The following NRG1 variants were observed in gnomAD, a reference collection of about 807,000 sequenced individuals.
NRG1 encodes pro-neuregulin-1, membrane-bound isoform.
A neutral mutation model predicts 63.8 loss-of-function variants in NRG1; 18 were observed. The observed-to-expected ratio is 0.28, with a 90% confidence interval of 0.19 to 0.42. NRG1 has a LOEUF of 0.42. Ranked by LOEUF, NRG1 falls within the 10% of genes least tolerant of loss-of-function variation. The pLI, the probability that NRG1 is intolerant of heterozygous loss-of-function variation, is 1.00. For synonymous variants in NRG1, 302 were observed against 301.3 expected (o/e 1.00, Z -0.02); for missense variants, 762 against 814.7 (o/e 0.94, Z 0.79).
chr8:31,784,475 C>T (rs1250797669), intron 1 of NRG1, among the ~76,000 whole-genome samples: 2 of 152,180 alleles, frequency 1.3e-5, no homozygotes, highest in African/African-American at 4.8e-5. Context: ...CCCTAATGCT[C>T]AATCTGTGCT....
intron 1 of NRG1, among the ~76,000 whole-genome samples, chr8:31,773,237 A>C (rs964544280): frequency 2.0e-5 from 3 of 152,320 alleles, no homozygotes; most frequent in Non-Finnish European, 4.4e-5. Flanking sequence ...CTCAGTGCTC[A>C]CTGTCATCCT....
At chr8:32,439,052 A>G (rs1397996979) in intron 1 of NRG1, among the ~76,000 whole-genome samples, 2 of 152,136 alleles carry the variant, frequency 1.3e-5, no homozygotes, top group African/African-American at 2.4e-5. Context: ...ATAACTTTTT[A>G]TACTTAATTG....
intron 1 of NRG1, among the ~76,000 whole-genome samples, chr8:32,079,809 G>A (rs1167483241): frequency 2.0e-5 from 3 of 152,098 alleles, no homozygotes; most frequent in African/African-American, 7.2e-5. Context: ...ATATAGAAGA[G>A]AAATGCCACA....
intron 1 of NRG1, among the ~76,000 whole-genome samples, chr8:32,123,754 C>G (rs553683871): frequency 6.6e-6 from 1 of 151,038 alleles, no homozygotes; most frequent in Non-Finnish European, 1.5e-5. Context: ...ATGTGCCCTC[C>G]GTCAAAATTT....
chr8:31,868,291 A>G (rs1424870572), intron 1 of NRG1, among the ~76,000 whole-genome samples: 2 of 152,160 alleles, frequency 1.3e-5, no homozygotes, highest in African/African-American at 4.8e-5. Flanking sequence ...TCAAAGGTCA[A>G]TAAAGAGACA....
rs139996034 is a variant in NRG1 at position 32,738,686 on chromosome 8, A to C, written c.633-3989A>C. On this transcript the variant is annotated intron_variant, in intron 6 of 11. Transcript: ENST00000356819. ...CCTAGTCTGTTAGAAGTAATTCCACAGAATTTCACAGAGCTTATAGATCAA... is the reference window on the plus strand; with the variant it reads ...CCTAGTCTGTTAGAAGTAATTCCACCGAATTTCACAGAGCTTATAGATCAA... Among the ~76,000 whole-genome samples the C allele has an allele frequency of 6.1e-3, 925 of 152,354 alleles. 4 individuals carry two copies. The highest frequency in any genetic ancestry group is 0.011 in the Non-Finnish European group (734 of 68,032).
chr8:31,722,090 A>C (rs1206103617), intron 1 of NRG1, among the ~76,000 whole-genome samples: 1 of 152,064 alleles, frequency 6.6e-6, no homozygotes, highest in Non-Finnish European at 1.5e-5. Context: ...CCGAGTTCTC[A>C]GGGCTTTCAG....
chr8:32,480,845 C>T (rs1047541014), intron 1 of NRG1, among the ~76,000 whole-genome samples: 4 of 152,062 alleles, frequency 2.6e-5, no homozygotes, highest in African/African-American at 7.2e-5. Context: ...CACTCATTAT[C>T]GTGAGAACAA....
intron 1 of NRG1, among the ~76,000 whole-genome samples, chr8:31,805,827 C>CAA (rs58107730): frequency 0.3 from 31,580 of 104,854 alleles, 5,326 homozygotes; most frequent in Middle Eastern, 0.36. Flanking sequence ...GACTCCGTCT[C>CAA]AAAAAAAAAA....
At chr8:32,049,122 A>C (rs1289836222) in intron 1 of NRG1, among the ~76,000 whole-genome samples, 1 of 152,128 alleles carries the variant, frequency 6.6e-6, no homozygotes, top group African/African-American at 2.4e-5. Flanking sequence ...ACACTGGATC[A>C]CTTAAAGCCA....
chr8:32,228,281 T>G (rs1383968), intron 1 of NRG1, among the ~76,000 whole-genome samples: 113,514 of 151,614 alleles, frequency 0.75, 43,569 homozygotes, highest in African/African-American at 0.91. Flanking sequence ...CCAAAAAATA[T>G]CACTTAAAGT....
chr8:32,458,634 T>C (rs1375340064), intron 1 of NRG1, among the ~76,000 whole-genome samples: 2 of 151,406 alleles, frequency 1.3e-5, no homozygotes, highest in African/African-American at 4.9e-5. Flanking sequence ...CATACCTCTT[T>C]ATGCTTTTAT....
rs1814631362 is a variant in NRG1, at chr8:31,736,068, C to T, written c.37+96637C>T. Among the ~76,000 whole-genome samples the T allele has an allele frequency of 2.0e-5, 3 of 152,096 alleles. No homozygotes were observed. The South Asian group carries it at 6.2e-4, about 32-fold the overall frequency. The stretch of plus-strand genomic sequence containing the variant: ...CTCAAACCCTCCATGAACTTCTGAC[C>T]TCATTCAGTGTAAATTCCCAAGGTC... On this transcript the variant is annotated intron_variant, in intron 1 of 10. Coordinates refer to the NRG1 transcript ENST00000519301.
At position 32,549,273 on chromosome 8, in the gene NRG1, G is replaced by T. The variant is rs145614576; in HGVS notation, c.100+447G>T. Reference sequence around the variant, plus strand: ...AATGGGCCGCCTGGAGGGAGAGCCGGTCCCCTCGGTGTGCCTGGCAGCGCA... The same window carrying T: ...AATGGGCCGCCTGGAGGGAGAGCCGTTCCCCTCGGTGTGCCTGGCAGCGCA... On this transcript the variant is annotated intron_variant, in intron 1 of 11. Coordinates refer to ENST00000356819, the Ensembl canonical transcript of NRG1. Among the ~76,000 whole-genome samples, 532 of 152,384 alleles carry T rather than the reference G, an allele frequency of 3.5e-3. 5 individuals carry two copies. The highest frequency in any genetic ancestry group is 0.012 in the African/African-American group (518 of 41,598).
chr8:32,605,778 A>C, intron 3 of NRG1, 95 bp downstream of exon 3: 2,429 of 1,329,088 alleles, frequency 1.8e-3, no homozygotes, highest in Non-Finnish European at 2.2e-3. Context: ...GTTAAATCTC[A>C]TTGTGAACAA....
chr8:32,335,901 G>A (rs1170918020), intron 1 of NRG1, among the ~76,000 whole-genome samples: 2 of 151,968 alleles, frequency 1.3e-5, no homozygotes, highest in Non-Finnish European at 2.9e-5. Context: ...AAACTACAAA[G>A]CCAGGAAGAC....
At chr8:32,295,312 G>C (rs1460233257) in intron 1 of NRG1, among the ~76,000 whole-genome samples, 1 of 152,052 alleles carries the variant, frequency 6.6e-6, no homozygotes, top group Non-Finnish European at 1.5e-5. Flanking sequence ...TGGATCTGAA[G>C]TTTGCTCCAT....
chr8:31,756,977 C>A (rs1285412420), intron 1 of NRG1, among the ~76,000 whole-genome samples: 2 of 152,132 alleles, frequency 1.3e-5, no homozygotes, highest in African/African-American at 2.4e-5. Context: ...GACAAGGGGC[C>A]AGACATATTC....
intron 1 of NRG1, among the ~76,000 whole-genome samples, chr8:32,346,270 A>G (rs181732055): frequency 1.3e-5 from 2 of 148,948 alleles, no homozygotes; most frequent in East Asian, 3.9e-4. Flanking sequence ...ATATGAATAT[A>G]TAAGTATATA....
Sources: gnomAD v4.1 joint callset for allele counts (sites outside exome capture counted in the v4.1 genomes callset) on GRCh38, gnomAD v4.1.1 for gene constraint, MANE v1.5 for transcripts, NCBI Gene and HGNC (gene_info 2026-07-23, HGNC 2026-07-21) for gene names.